Variants in DBR1 observed in about 807,000 individuals in gnomAD.
DBR1 encodes lariat debranching enzyme.
A neutral mutation model predicts 45.9 loss-of-function variants in DBR1; 33 were observed. The ratio of observed to expected loss-of-function variants is 0.72; its 90% CI spans 0.55 to 0.96. DBR1 has a LOEUF of 0.96. Ranked by LOEUF, DBR1 falls within the 40% of genes least tolerant of loss-of-function variation. The pLI is 0.00. For synonymous variants in DBR1, 235 were observed against 235.9 expected, an observed-to-expected ratio of 1.00 and a Z score of 0.04; for missense variants, 619 against 667.4, an observed-to-expected ratio of 0.93 and a Z score of 0.80.
At chr3:138,165,499 G>A (rs1251219388) in intron 5 of DBR1, among the ~76,000 whole-genome samples, 1 of 152,026 alleles carries the variant, frequency 6.6e-6, no homozygotes, top group African/African-American at 2.4e-5. Flanking sequence ...GGAGGCCGAG[G>A]CGGGTGGATC....
chr3:138,162,029 A>C lies in DBR1; in HGVS notation c.1495T>G (p.Ser499Ala). 2 of 1,613,956 alleles carry C rather than the reference A, an allele frequency of 1.2e-6. No individual in the cohort carries two copies. The highest frequency in any genetic ancestry group is 1.7e-6 in the Non-Finnish European group (2 of 1,179,998). The change falls in exon 8 of 8, where the codon TCA becomes GCA. Residue 499 changes from serine (S) to alanine (A), a missense_variant. This residue lies in a region of DBR1 where 182 missense variants were observed against 196.1 expected (regional missense o/e 0.93). Transcript: ENST00000260803. ...REGKPGGTVE[S>A]GNGEDLTKVP... Reference sequence around the variant, plus strand: ...TTGGTTAAGTCCTCTCCATTCCCTGACTCCACAGTCCCACCAGGTTTCCCC... The same window carrying C: ...TTGGTTAAGTCCTCTCCATTCCCTGCCTCCACAGTCCCACCAGGTTTCCCC...
At position 138,163,372 on chromosome 3, in the gene DBR1, T is replaced by C. The variant is rs2042916383; in HGVS notation, c.918A>G (p.Pro306=). Residue 306 remains proline (P), a synonymous_variant, in exon 7 of 8, where the codon CCA becomes CCG. Transcript: ENST00000260803. ...ACCTTGCATGCAGGCCATTATTTTC[T>C]GGCATATTCCACAGGCGCCCAGTCA... is the stretch of plus-strand genomic sequence containing the variant. The part of the protein sequence containing the change: ...INVTGRLWNM[P]ENNGLHARWD... The C allele has an allele frequency of 6.2e-7, 1 of 1,613,772 alleles. No homozygotes were observed. Among genetic ancestry groups the C allele is most frequent in the Admixed American group, 1.7e-5 (1 of 59,998 alleles).
At chr3:138,172,287 T>C (rs2042958702) in intron 2 of DBR1, among the ~76,000 whole-genome samples, 1 of 152,092 alleles carries the variant, frequency 6.6e-6, no homozygotes, top group African/African-American at 2.4e-5. Context: ...AATATACATT[T>C]AAATAAAGGG....
At chr3:138,172,036 G>A (rs2042957848) in intron 2 of DBR1, among the ~76,000 whole-genome samples, 1 of 152,092 alleles carries the variant, frequency 6.6e-6, no homozygotes, top group Non-Finnish European at 1.5e-5. Flanking sequence ...AGTGGGAGGT[G>A]GAAAATGTCC....
Position 138,174,807 on chromosome 3 carries a change from G to A in DBR1, c.-12C>T, listed in dbSNP as rs2042972018. The A allele has an allele frequency of 6.2e-7, 1 of 1,607,946 alleles. No homozygotes were observed. Among genetic ancestry groups the A allele is most frequent in the Non-Finnish European group, 8.5e-7 (1 of 1,178,286 alleles). ...ACAGCCACCCGCATTCTGCCGGCCT[G>A]AGGAGGTGAGCGCTGCCTGCAACGC... On this transcript the variant is annotated 5_prime_UTR_variant, in exon 1 of 8. Coordinates refer to ENST00000260803, the MANE Select transcript of DBR1 (RefSeq NM_016216.4).
chr3:138,171,704 C>T lies in DBR1; in HGVS notation c.332G>A (p.Gly111Asp), dbSNP rs1388169884. The T allele has an allele frequency of 6.2e-7, 1 of 1,612,384 alleles. No homozygotes were observed. Among genetic ancestry groups the T allele is most frequent in the Non-Finnish European group, 8.5e-7 (1 of 1,178,640 alleles). Residue 111 changes from glycine to aspartate, a missense_variant, in exon 3 of 8, where the codon GGT (glycine) becomes GAT (aspartate). This residue lies in a region of DBR1 where 430 missense variants were observed against 447.7 expected (regional missense o/e 0.96). Coordinates refer to ENST00000260803, the MANE Select transcript of DBR1 (RefSeq NM_016216.4). ...CCTTACACCTCGGTATTTTACCACA[C>T]CAGCCAAACCTAAACAATACAGTTA... ...APNIYYLGLA[G>D]VVKYRGVRIG...
In DBR1 at chr3:138,170,122, G is replaced by T. The variant is rs750518881; in HGVS notation, c.474C>A (p.Val158=). The T allele has an allele frequency of 2.4e-5, 38 of 1,582,154 alleles. No individual in the cohort carries two copies. Among genetic ancestry groups the T allele is most frequent in the Admixed American group, 1.4e-4 (8 of 58,482 alleles). ...TTTTACGTACCTGTTTTAATTTATA[G>T]ACTTCAATATTTCTCACATGATATA... ...RSIYHVRNIE[V]YKLKQLKQPI... The change falls in exon 4 of 8, where the codon GTC becomes GTA. Residue 158 remains valine, a synonymous_variant. Coordinates refer to ENST00000260803, the MANE Select transcript of DBR1 (RefSeq NM_016216.4).
intron 2 of DBR1, among the ~76,000 whole-genome samples, chr3:138,172,474 A>G (rs2042959745): frequency 1.3e-5 from 2 of 152,200 alleles, no homozygotes; most frequent in South Asian, 4.1e-4. Flanking sequence ...ACACGCTTGC[A>G]GTCACAGCTA....
At chr3:138,166,648 A>T (rs2042931438) in intron 5 of DBR1, among the ~76,000 whole-genome samples, 1 of 152,174 alleles carries the variant, frequency 6.6e-6, no homozygotes. Flanking sequence ...GAAGGCAGTT[A>T]TGATCTTGTT....
intron 5 of DBR1, among the ~76,000 whole-genome samples, 162 bp downstream of exon 5, chr3:138,166,919 T>C (rs1364353012): frequency 6.6e-6 from 1 of 152,208 alleles, no homozygotes; most frequent in African/African-American, 2.4e-5. Context: ...CTCAAACTTA[T>C]TATACTGTTT....
rs529636945 is a variant in DBR1, at chr3:138,174,559, AC to A, written c.197+39del. 5.1e-4 allele frequency: 431 copies of A among 836,904 alleles called. 1 individual carries two copies. The highest frequency in any genetic ancestry group is 7.7e-4 in the Non-Finnish European group (400 of 522,218). 51.8% of individuals were successfully genotyped at this position (836,904 alleles called of 1,614,324 possible). ...CCAGTGGCAGAGGGAACCCAGTCCC[AC>A]CCCCCCACCGCCAAGTCCGGGCCCG... On this transcript the variant is annotated intron_variant, in intron 1 of 7. Coordinates refer to ENST00000260803, the MANE Select transcript of DBR1 (RefSeq NM_016216.4).
At position 138,163,566 on chromosome 3, in the gene DBR1, TAAA is replaced by T. The variant is rs1576532587; in HGVS notation, c.796-75_796-73del. 3 of 856,880 alleles carry T rather than the reference TAAA, an allele frequency of 3.5e-6. No individual in the cohort carries two copies. The East Asian group carries it at 1.0e-4, about 29-fold the overall frequency. The allele number at this position is 856,880 out of a possible 1,614,324, so 53.1% of individuals were successfully genotyped here. A position where few individuals can be genotyped will look rare whatever the true frequency, so the allele number is the denominator to read the frequency against. Reference sequence around the variant, plus strand: ...GTCTAATCACTTTAATATAATTTAATAAAATAAAAAGGAATTTAATTTAAATTT... The same window carrying T: ...GTCTAATCACTTTAATATAATTTAATATAAAAAGGAATTTAATTTAAATTT... On this transcript the variant is annotated intron_variant, in intron 6 of 7. Transcript: ENST00000260803.
At chr3:138,163,714 A>C in intron 6 of DBR1, 64 bp downstream of exon 6, 1 of 1,238,892 alleles carries the variant, frequency 8.1e-7, no homozygotes, top group Non-Finnish European at 1.1e-6. Context: ...CGAAAGGAAA[A>C]TTATATTTTT....
rs779966080 is a variant in DBR1 at position 138,174,670 on chromosome 3, C to A, written c.126G>T (p.Ala42=). The change falls in exon 1 of 8, where the codon GCG becomes GCT. Residue 42 remains alanine, a synonymous_variant. Transcript: ENST00000260803. ...AGCGTAGATCCGCCTCGTTGCGCAC[C>A]GCCTGGAAGTCGCCGCAGCACAGCA... ...DLLLCCGDFQ[A]VRNEADLRCM... The A allele has an allele frequency of 3.1e-6, 5 of 1,612,760 alleles. No individual in the cohort carries two copies. Among genetic ancestry groups the A allele is most frequent in the South Asian group, 1.1e-5 (1 of 90,798 alleles).
chr3:138,168,654 T>C (rs1383073992), intron 4 of DBR1, among the ~76,000 whole-genome samples: 1 of 151,376 alleles, frequency 6.6e-6, no homozygotes, highest in East Asian at 2.0e-4. Flanking sequence ...GTAATGACTC[T>C]AAACTAGAGA....
At chr3:138,167,962 G>T (rs2042938019) in intron 4 of DBR1, among the ~76,000 whole-genome samples, 1 of 151,304 alleles carries the variant, frequency 6.6e-6, no homozygotes, top group Non-Finnish European at 1.5e-5. Flanking sequence ...AGAAAAAAAA[G>T]AAAAAAGAAA....
At chr3:138,172,627 T>A (rs1446278239) in intron 2 of DBR1, among the ~76,000 whole-genome samples, 1 of 152,108 alleles carries the variant, frequency 6.6e-6, no homozygotes, top group Non-Finnish European at 1.5e-5. Flanking sequence ...CTATATAGTT[T>A]ATAGGGGCCA....
At position 138,162,201 on chromosome 3, in the gene DBR1, T is replaced by TA; in HGVS notation, c.1322dup (p.Ser442LysfsTer4). 4 of 1,614,164 alleles carry TA rather than the reference T, an allele frequency of 2.5e-6. No homozygotes were observed. Among genetic ancestry groups the TA allele is most frequent in the Non-Finnish European group, 3.4e-6 (4 of 1,180,036 alleles). On this transcript the variant is annotated frameshift_variant, in exon 8 of 8. Transcript: ENST00000260803. LOFTEE classifies it high-confidence loss of function. Reference sequence around the variant, plus strand: ...GTGTATTCATGCCACTATGTGCACTTACAATACTATCTTCATCTTCTTCTT... The same window carrying TA: ...GTGTATTCATGCCACTATGTGCACTTAACAATACTATCTTCATCTTCTTCTT...
intron 4 of DBR1, among the ~76,000 whole-genome samples, chr3:138,169,894 C>T (rs1559883834): frequency 6.6e-6 from 1 of 151,892 alleles, no homozygotes; most frequent in African/African-American, 2.4e-5. Flanking sequence ...GATCGCGCCA[C>T]TGCACTTCAG....
Sources: allele counts gnomAD v4.1 joint callset (sites outside exome capture counted in the v4.1 genomes callset), GRCh38; gene constraint gnomAD v4.1.1; regional missense constraint gnomAD v4.1.1; transcripts MANE v1.5; gene names NCBI Gene and HGNC (gene_info 2026-07-23, HGNC 2026-07-21).